Variants in ST18 observed in about 807,000 individuals in gnomAD.
The protein encoded by ST18 is ST18 C2H2C-type zinc finger transcription factor.
A neutral mutation model predicts 110.0 loss-of-function variants in ST18; 50 were observed. The observed-to-expected ratio is 0.45, with a 90% CI of 0.36 to 0.58. The LOEUF (loss-of-function observed/expected upper bound fraction) is 0.58. Among genes scored for constraint, ST18 ranks in the 20% least tolerant of loss-of-function variants. ST18 has a pLI of 0.00. For synonymous variants in ST18, 461 were observed against 452.4 expected (o/e 1.02, Z -0.24); for missense variants, 1,306 against 1,280.1 (o/e 1.02, Z -0.31).
chr8:52,131,837 A>G, intron 22 of ST18, 121 bp downstream of exon 22: 1 of 772,542 alleles, frequency 1.3e-6, no homozygotes, highest in Non-Finnish European at 2.1e-6. Flanking sequence ...ACTTCATGTT[A>G]TGACATCTCA....
rs150677788 is a variant in ST18 at position 52,232,187 on chromosome 8, G to C, written c.-464-2110C>G. ...TAATACTTTATGATAGAAAGGAACAGATAAAAAGTGAATGTTCTGGCCCCT... is the reference window on the plus strand; with the variant it reads ...TAATACTTTATGATAGAAAGGAACACATAAAAAGTGAATGTTCTGGCCCCT... On this transcript the variant is annotated intron_variant, in intron 2 of 25. Coordinates refer to ENST00000689386, the MANE Select transcript of ST18 (RefSeq NM_001352837.2). Among the ~76,000 whole-genome samples the C allele has an allele frequency of 9.3e-3, 1,414 of 152,276 alleles. 14 individuals carry two copies. Among genetic ancestry groups the C allele is most frequent in the Non-Finnish European group, 0.012 (849 of 67,998 alleles).
chr8:52,136,480 C>A, intron 19 of ST18, 110 bp downstream of exon 19: 2 of 1,062,702 alleles, frequency 1.9e-6, no homozygotes, highest in African/African-American at 1.6e-5. Flanking sequence ...GTGATCCTGG[C>A]AGGCAGGACA....
chr8:52,165,892 A>T (rs2062817322), intron 11 of ST18, among the ~76,000 whole-genome samples: 1 of 152,216 alleles, frequency 6.6e-6, no homozygotes. Context: ...AAAGTGGAAG[A>T]TGTAACAGGT....
intron 8 of ST18, among the ~76,000 whole-genome samples, 163 bp downstream of exon 8, chr8:52,211,916 A>G (rs1198500751): frequency 6.6e-6 from 1 of 152,146 alleles, no homozygotes; most frequent in Non-Finnish European, 1.5e-5. Flanking sequence ...CAGTACAATC[A>G]TTCTCCTCCG....
At chr8:52,401,145 C>T (rs1010001673) in intron 2 of ST18, among the ~76,000 whole-genome samples, 4 of 151,956 alleles carry the variant, frequency 2.6e-5, no homozygotes, top group African/African-American at 9.7e-5. Flanking sequence ...AAGTATATTT[C>T]TCCCTTCTCT....
intron 19 of ST18, among the ~76,000 whole-genome samples, chr8:52,133,751 A>G (rs2050807588): frequency 1.3e-5 from 2 of 149,798 alleles, no homozygotes; most frequent in South Asian, 4.2e-4. Flanking sequence ...GTTATTATTG[A>G]GACAAAGTCT....
At chr8:52,145,220 A>C (rs1291271959) in intron 16 of ST18, among the ~76,000 whole-genome samples, 2 of 152,164 alleles carry the variant, frequency 1.3e-5, no homozygotes, top group African/African-American at 2.4e-5. Context: ...GGAAGGCAAG[A>C]GAATGGGGAA....
intron 12 of ST18, among the ~76,000 whole-genome samples, chr8:52,164,394 C>T (rs904749963): frequency 6.6e-6 from 1 of 152,182 alleles, no homozygotes; most frequent in Non-Finnish European, 1.5e-5. Context: ...TGTGCTCATT[C>T]CAATTGCAAT....
At chr8:52,351,232 A>T (rs1418074367) in intron 2 of ST18, among the ~76,000 whole-genome samples, 1 of 152,228 alleles carries the variant, frequency 6.6e-6, no homozygotes, top group Admixed American at 6.5e-5. Flanking sequence ...CTAGTTTATC[A>T]GCATCTGATG....
At chr8:52,137,213 T>C (rs2052796376) in intron 18 of ST18, among the ~76,000 whole-genome samples, 2 of 152,180 alleles carry the variant, frequency 1.3e-5, no homozygotes, top group Non-Finnish European at 2.9e-5. Context: ...TTTTCACTTA[T>C]AACCTGGACT....
intron 2 of ST18, among the ~76,000 whole-genome samples, chr8:52,356,074 C>T (rs1442949242): frequency 2.0e-5 from 3 of 152,076 alleles, no homozygotes. Context: ...TTCCCATGTA[C>T]ACAAGGAATC....
chr8:52,231,862 C>T (rs2091482760), intron 2 of ST18, among the ~76,000 whole-genome samples: 1 of 152,330 alleles, frequency 6.6e-6, no homozygotes, highest in East Asian at 1.9e-4. Flanking sequence ...ATGGACTGCA[C>T]TGAACAGCAA....
At chr8:52,347,019 A>C (rs753340468) in intron 2 of ST18, among the ~76,000 whole-genome samples, 1 of 152,206 alleles carries the variant, frequency 6.6e-6, no homozygotes, top group African/African-American at 2.4e-5. Flanking sequence ...GGTGTGTAAG[A>C]AAAGAGTTCA....
At chr8:52,228,410 T>G (rs1292415776) in intron 3 of ST18, among the ~76,000 whole-genome samples, 1 of 152,212 alleles carries the variant, frequency 6.6e-6, no homozygotes, top group African/African-American at 2.4e-5. Context: ...CACTTACATT[T>G]TCCAGAATGT....
At chr8:52,372,382 G>T (rs1378305972) in intron 2 of ST18, among the ~76,000 whole-genome samples, 2 of 152,128 alleles carry the variant, frequency 1.3e-5, no homozygotes, top group Non-Finnish European at 2.9e-5. Flanking sequence ...AAGTAAAAAA[G>T]TTACAGTACA....
chr8:52,333,495 T>A (rs906221734), intron 2 of ST18, among the ~76,000 whole-genome samples: 1 of 152,000 alleles, frequency 6.6e-6, no homozygotes, highest in African/African-American at 2.4e-5. Context: ...AAAAAAATGT[T>A]GTGAAGAAGA....
At chr8:52,331,356 C>T (rs1433769292) in intron 2 of ST18, among the ~76,000 whole-genome samples, 1 of 151,330 alleles carries the variant, frequency 6.6e-6, no homozygotes, top group Non-Finnish European at 1.5e-5. Context: ...TTAATATATG[C>T]ATATATCTAT....
At chr8:52,348,525 G>A (rs1178303062) in intron 2 of ST18, among the ~76,000 whole-genome samples, 1 of 152,172 alleles carries the variant, frequency 6.6e-6, no homozygotes, top group Non-Finnish European at 1.5e-5. Context: ...AGCCGAGGCG[G>A]GCATATCACC....
intron 23 of ST18, among the ~76,000 whole-genome samples, chr8:52,119,046 C>T (rs972957262): frequency 6.6e-5 from 10 of 152,104 alleles, no homozygotes; most frequent in African/African-American, 1.4e-4. Flanking sequence ...TAGTCTTCCA[C>T]GTGGACATGG....
Sources: gnomAD v4.1 joint callset for allele counts (sites outside exome capture counted in the v4.1 genomes callset) on GRCh38, gnomAD v4.1.1 for gene constraint, MANE v1.5 for transcripts, NCBI Gene and HGNC (gene_info 2026-07-23, HGNC 2026-07-21) for gene names.